Variants in RBFOX1 observed in about 807,000 individuals in gnomAD.
RBFOX1 encodes RNA binding protein fox-1 homolog 1.
Under a neutral mutation model 57.7 loss-of-function variants are expected in RBFOX1, and 8 were observed. That is an observed-to-expected ratio of 0.14 (90% CI 0.08 to 0.25). The LOEUF is 0.25. RBFOX1 is among the 10% of genes least tolerant of loss of function. The pLI, the probability that RBFOX1 is intolerant of heterozygous loss-of-function variation, is 1.00. For missense variants in RBFOX1, 611 were observed against 548.5 expected (o/e 1.11, Z -1.14); for synonymous variants, 326 against 222.4 (o/e 1.47, Z -4.15).
At chr16:7,586,712 C>T (rs2094145114) in intron 6 of RBFOX1, among the ~76,000 whole-genome samples, 1 of 152,208 alleles carries the variant, frequency 6.6e-6, no homozygotes, top group Non-Finnish European at 1.5e-5. Context: ...GCACTGATCA[C>T]AACTGCTGAT....
intron 4 of RBFOX1, among the ~76,000 whole-genome samples, chr16:5,960,057 C>T (rs139650418): frequency 0.018 from 2,808 of 152,086 alleles, 47 homozygotes; most frequent in East Asian, 0.053. Flanking sequence ...AAAAATTAGC[C>T]GGGCATGGTG....
At chr16:5,404,468 A>G (rs1485825514) in intron 1 of RBFOX1, among the ~76,000 whole-genome samples, 1 of 152,168 alleles carries the variant, frequency 6.6e-6, no homozygotes, top group Non-Finnish European at 1.5e-5. Context: ...CCGATCAGTG[A>G]TCTCTGTGGA....
intron 1 of RBFOX1, among the ~76,000 whole-genome samples, chr16:6,311,710 G>T (rs879710581): frequency 4.6e-5 from 7 of 152,218 alleles, no homozygotes; most frequent in Non-Finnish European, 1.0e-4. Flanking sequence ...CAGATACTCT[G>T]ACTGCAGTAG....
intron 4 of RBFOX1, among the ~76,000 whole-genome samples, chr16:7,485,099 A>G (rs1482674811): frequency 2.0e-5 from 3 of 151,208 alleles, no homozygotes; most frequent in East Asian, 3.9e-4. Context: ...CTTGACTTAG[A>G]TAAAGAGAAG....
At chr16:7,135,485 A>T (rs1021391527) in intron 4 of RBFOX1, among the ~76,000 whole-genome samples, 1 of 152,246 alleles carries the variant, frequency 6.6e-6, no homozygotes, top group African/African-American at 2.4e-5. Flanking sequence ...ATCCGTGAAT[A>T]CTAAGGGGTG....
chr16:6,563,366 T>TA (rs1402572305), intron 2 of RBFOX1, among the ~76,000 whole-genome samples: 1 of 152,156 alleles, frequency 6.6e-6, no homozygotes, highest in Non-Finnish European at 1.5e-5. Context: ...AGGAATCCAT[T>TA]TAAGTCCATC....
chr16:5,775,998 C>G (rs1410794391), intron 3 of RBFOX1, among the ~76,000 whole-genome samples: 2 of 152,022 alleles, frequency 1.3e-5, no homozygotes, highest in African/African-American at 4.8e-5. Context: ...ATCACCTGGC[C>G]CAGGCTGCAG....
chr16:6,612,035 C>T (rs1019658807), intron 2 of RBFOX1, among the ~76,000 whole-genome samples: 10 of 152,160 alleles, frequency 6.6e-5, no homozygotes, highest in East Asian at 1.9e-4. Context: ...TGAAAAGTCC[C>T]GGAATAGTTC....
chr16:5,833,510 A>G (rs1447456014), intron 3 of RBFOX1, among the ~76,000 whole-genome samples: 4 of 151,652 alleles, frequency 2.6e-5, no homozygotes, highest in African/African-American at 4.8e-5. Flanking sequence ...AAAAAAAAAA[A>G]AAAAAGAAAG....
chr16:6,224,870 T>C (rs966937904), intron 1 of RBFOX1, among the ~76,000 whole-genome samples: 3 of 151,870 alleles, frequency 2.0e-5, no homozygotes, highest in African/African-American at 7.3e-5. Flanking sequence ...ATACAAAAAA[T>C]TAGCTGGGTG....
chr16:6,388,622 C>G (rs1596466509), intron 2 of RBFOX1, among the ~76,000 whole-genome samples: 1 of 152,088 alleles, frequency 6.6e-6, no homozygotes, highest in East Asian at 1.9e-4. Context: ...CACCAGTAAC[C>G]TCAGCACTTT....
At chr16:5,644,600 G>A (rs1367063883) in intron 3 of RBFOX1, among the ~76,000 whole-genome samples, 1 of 152,206 alleles carries the variant, frequency 6.6e-6, no homozygotes, top group African/African-American at 2.4e-5. Context: ...GTGTCAGGCT[G>A]GGAGACACAA....
At chr16:7,699,702 G>C (rs2080025258) in intron 14 of RBFOX1, among the ~76,000 whole-genome samples, 1 of 151,762 alleles carries the variant, frequency 6.6e-6, no homozygotes, top group Non-Finnish European at 1.5e-5. Context: ...ATGACAGTTT[G>C]AATATTCTGG....
At chr16:6,624,824 C>T (rs940244380) in intron 2 of RBFOX1, among the ~76,000 whole-genome samples, 1 of 152,052 alleles carries the variant, frequency 6.6e-6, no homozygotes, top group Non-Finnish European at 1.5e-5. Flanking sequence ...TTAGCACATA[C>T]CATGTATAAC....
intron 2 of RBFOX1, among the ~76,000 whole-genome samples, chr16:5,550,533 C>G (rs532469488): frequency 6.6e-6 from 1 of 152,206 alleles, no homozygotes; most frequent in East Asian, 1.9e-4. Context: ...GAAACAGATG[C>G]CCAGACATTG....
chr16:7,571,877 C>G (rs548727766), intron 5 of RBFOX1, among the ~76,000 whole-genome samples: 1 of 152,196 alleles, frequency 6.6e-6, no homozygotes, highest in African/African-American at 2.4e-5. Flanking sequence ...GCCTGTAATC[C>G]CAGCACTTTG....
At chr16:5,847,421 T>C (rs1328651039) in intron 3 of RBFOX1, among the ~76,000 whole-genome samples, 1 of 151,964 alleles carries the variant, frequency 6.6e-6, no homozygotes, top group Non-Finnish European at 1.5e-5. Flanking sequence ...GATTAAAATG[T>C]GTGCACAGAT....
chr16:6,151,559 T>TA (rs1274924906), intron 1 of RBFOX1, among the ~76,000 whole-genome samples: 1 of 152,242 alleles, frequency 6.6e-6, no homozygotes, highest in Non-Finnish European at 1.5e-5. Context: ...GTGCTGGGGT[T>TA]ACAGGAGTGA....
chr16:5,826,247 T>G (rs369474304), intron 3 of RBFOX1, among the ~76,000 whole-genome samples: 2 of 151,910 alleles, frequency 1.3e-5, no homozygotes, highest in South Asian at 4.1e-4. Context: ...CACTCTTCCC[T>G]TAGCACTTTT....
Sources: gnomAD v4.1 joint callset for allele counts (sites outside exome capture counted in the v4.1 genomes callset) on GRCh38, gnomAD v4.1.1 for gene constraint, MANE v1.5 for transcripts, NCBI Gene and HGNC (gene_info 2026-07-23, HGNC 2026-07-21) for gene names.